SLC39A11: variants seen among roughly 807,000 people sequenced by gnomAD.
SLC39A11 encodes the protein zinc transporter ZIP11.
A neutral mutation model predicts 36.1 loss-of-function variants in SLC39A11; 33 were observed. That is an observed-to-expected ratio of 0.91 (90% CI 0.69 to 1.22). The LOEUF (loss-of-function observed/expected upper bound fraction) is 1.22. Among genes scored for constraint, SLC39A11 ranks in the 50% most tolerant of loss-of-function variants. The probability of loss-of-function intolerance (pLI) is 0.00; values close to 1 mark genes in which losing one functional copy is unlikely to be tolerated. For synonymous variants in SLC39A11, 166 were observed against 170.3 expected (o/e 0.97, Z 0.20); for missense variants, 432 against 430.3 (o/e 1.00, Z -0.03).
intron 7 of SLC39A11, among the ~76,000 whole-genome samples, chr17:72,701,019 C>A (rs1436304699): frequency 6.6e-6 from 1 of 152,240 alleles, no homozygotes; most frequent in Non-Finnish European, 1.5e-5. Context: ...TACACGTGGG[C>A]CCTGCACAAC....
chr17:72,729,748 G>A (rs1007154578), intron 7 of SLC39A11, among the ~76,000 whole-genome samples: 2 of 151,580 alleles, frequency 1.3e-5, no homozygotes, highest in African/African-American at 4.8e-5. Context: ...TACCAAAGCA[G>A]ACCACCCCTA....
intron 3 of SLC39A11, among the ~76,000 whole-genome samples, chr17:73,041,292 G>C (rs550808391): frequency 6.6e-6 from 1 of 152,324 alleles, no homozygotes; most frequent in African/African-American, 2.4e-5. Context: ...TTGGAAGCTT[G>C]AAGAGAGAAG....
At chr17:72,766,315 C>T (rs189716950) in intron 6 of SLC39A11, among the ~76,000 whole-genome samples, 3 of 152,294 alleles carry the variant, frequency 2.0e-5, no homozygotes, top group South Asian at 2.1e-4. Flanking sequence ...AAGAAACCAT[C>T]GCCCAAAGGG....
At position 72,649,388 on chromosome 17, in the gene SLC39A11, C is replaced by T. The variant is rs557706461; in HGVS notation, c.672-120G>A. On this transcript the variant is annotated intron_variant, in intron 7 of 9. Coordinates refer to ENST00000255559, the MANE Select transcript of SLC39A11 (RefSeq NM_139177.4). Reference sequence around the variant, plus strand: ...AGGAAGCCAGGAGGAGACCTGTGACCTGCAGTAGGAGAGGAAGGAGAAAGG... The same window carrying T: ...AGGAAGCCAGGAGGAGACCTGTGACTTGCAGTAGGAGAGGAAGGAGAAAGG... The T allele has an allele frequency of 7.5e-5, 57 of 755,818 alleles. No homozygotes were observed. The African/African-American group carries it at 9.7e-4, about 13-fold the overall frequency. 46.8% of individuals were successfully genotyped at this position (755,818 alleles called of 1,614,324 possible).
intron 6 of SLC39A11, chr17:72,818,829 G>GT (rs2077669569): frequency 6.6e-6 from 1 of 152,214 alleles, no homozygotes; most frequent in Non-Finnish European, 1.5e-5. Flanking sequence ...CATATTACAA[G>GT]TTTTTTTAAT....
chr17:72,755,154 G>T (rs1204359255), intron 6 of SLC39A11, among the ~76,000 whole-genome samples: 1 of 152,232 alleles, frequency 6.6e-6, no homozygotes, highest in Non-Finnish European at 1.5e-5. Flanking sequence ...ACTGCTAAGA[G>T]GTGGTTTGAA....
chr17:72,802,141 C>T (rs189853992), intron 6 of SLC39A11, among the ~76,000 whole-genome samples: 299 of 152,222 alleles, frequency 2.0e-3, no homozygotes, highest in Middle Eastern at 0.01. Flanking sequence ...GTGATATCTC[C>T]GGGGTACGGC....
intron 7 of SLC39A11, among the ~76,000 whole-genome samples, chr17:72,653,431 CTTTTCTTTTCT>C (rs1412676442): frequency 7.3e-5 from 9 of 123,768 alleles, no homozygotes; most frequent in African/African-American, 1.3e-4. Flanking sequence ...TTTTTCTTTT[CTTTTCTTTTCT>C]TTTTTTTTTT....
rs147537762 is a variant in SLC39A11 at position 72,670,017 on chromosome 17, C to T, written c.672-20749G>A. Among the ~76,000 whole-genome samples the T allele has an allele frequency of 1.5e-3, 209 of 140,304 alleles. 6 individuals carry two copies. The East Asian group carries it at 0.037, about 25-fold the overall frequency. 92.0% of individuals were successfully genotyped at this position (140,304 alleles called of 152,430 possible). A position where few individuals can be genotyped will look rare whatever the true frequency, so the allele number is the denominator to read the frequency against. On this transcript the variant is annotated intron_variant, in intron 7 of 9. Coordinates refer to ENST00000255559, the MANE Select transcript of SLC39A11 (RefSeq NM_139177.4). Reference sequence around the variant, plus strand: ...ATAGATGTATATACACATATATATACGTATAGATGTATATACACATATATA... The same window carrying T: ...ATAGATGTATATACACATATATATATGTATAGATGTATATACACATATATA...
At chr17:73,002,478 C>T (rs2089878249) in intron 4 of SLC39A11, among the ~76,000 whole-genome samples, 1 of 152,168 alleles carries the variant, frequency 6.6e-6, no homozygotes, top group Non-Finnish European at 1.5e-5. Context: ...GCAAATGTTA[C>T]TGTTCTATTT....
chr17:72,896,086 G>C (rs900127491), intron 5 of SLC39A11, among the ~76,000 whole-genome samples: 1 of 149,360 alleles, frequency 6.7e-6, no homozygotes, highest in Non-Finnish European at 1.5e-5. Context: ...CGGCATTCTG[G>C]TTATATGATT....
intron 4 of SLC39A11, among the ~76,000 whole-genome samples, chr17:73,021,904 T>C (rs897237933): frequency 6.6e-6 from 1 of 152,226 alleles, no homozygotes; most frequent in Non-Finnish European, 1.5e-5. Flanking sequence ...AACCATTCCG[T>C]GCTTAAGGAG....
At chr17:72,735,213 C>T (rs758120035) in intron 7 of SLC39A11, among the ~76,000 whole-genome samples, 6 of 152,158 alleles carry the variant, frequency 3.9e-5, no homozygotes, top group Non-Finnish European at 8.8e-5. Context: ...TTCGGGGCTT[C>T]ATGGAGCAGG....
intron 5 of SLC39A11, among the ~76,000 whole-genome samples, chr17:72,900,483 G>A (rs2082336752): frequency 6.6e-6 from 1 of 152,092 alleles, no homozygotes; most frequent in Non-Finnish European, 1.5e-5. Context: ...GGGGCGGGCT[G>A]GGGTGACAGT....
chr17:72,701,141 G>T (rs186969969), intron 7 of SLC39A11, among the ~76,000 whole-genome samples: 1 of 152,340 alleles, frequency 6.6e-6, no homozygotes, highest in East Asian at 1.9e-4. Flanking sequence ...GGAAGAACTG[G>T]TCTCATTTTG....
At chr17:73,082,370 G>A (rs947420825) in intron 3 of SLC39A11, among the ~76,000 whole-genome samples, 1 of 151,902 alleles carries the variant, frequency 6.6e-6, no homozygotes, top group African/African-American at 2.4e-5. Flanking sequence ...AGTGAATGGG[G>A]CTTTATTCTT....
chr17:72,863,895 C>G (rs1367865612), intron 5 of SLC39A11, among the ~76,000 whole-genome samples: 1 of 152,228 alleles, frequency 6.6e-6, no homozygotes. Flanking sequence ...CCTTTCCATT[C>G]ACGTCACCAA....
intron 7 of SLC39A11, among the ~76,000 whole-genome samples, chr17:72,707,319 A>C (rs2072932762): frequency 6.6e-6 from 1 of 152,184 alleles, no homozygotes; most frequent in Non-Finnish European, 1.5e-5. Flanking sequence ...TGAGAGGATC[A>C]TATGAGCCCA....
chr17:73,040,755 TG>T (rs1467929819), intron 3 of SLC39A11, among the ~76,000 whole-genome samples: 1 of 151,898 alleles, frequency 6.6e-6, no homozygotes, highest in Non-Finnish European at 1.5e-5. Context: ...GAGGCTGAGG[TG>T]GGCAGATCAC....
Sources: allele counts gnomAD v4.1 joint callset (sites outside exome capture counted in the v4.1 genomes callset), GRCh38; gene constraint gnomAD v4.1.1; transcripts MANE v1.5; gene names NCBI Gene and HGNC (gene_info 2026-07-23, HGNC 2026-07-21).